The following POLA1 variants were observed in gnomAD, a reference collection of about 807,000 sequenced individuals.
The protein encoded by POLA1 is DNA polymerase alpha catalytic subunit.
Under a neutral mutation model 124.0 loss-of-function variants are expected in POLA1, and 15 were observed. That is an observed-to-expected ratio of 0.12 (90% CI 0.08 to 0.19). POLA1 has a LOEUF of 0.19. POLA1 is among the 10% of genes least tolerant of loss of function. POLA1 has a pLI of 1.00. For synonymous variants in POLA1, 408 were observed against 389.4 expected (o/e 1.05, Z -0.56); for missense variants, 886 against 1,103.4 (o/e 0.80, Z 2.79).
intron 28 of POLA1, among the ~76,000 whole-genome samples, chrX:24,812,082 C>T (rs1341788813): frequency 2.7e-5 from 3 of 112,343 alleles, no homozygotes; most frequent in Admixed American, 1.9e-4. Flanking sequence ...TGTGCTCATA[C>T]TGGGCCTTGA....
At chrX:24,931,063 C>G (rs1397858494) in intron 36 of POLA1, among the ~76,000 whole-genome samples, 2 of 111,170 alleles carry the variant, frequency 1.8e-5, no homozygotes, top group East Asian at 2.8e-4. Flanking sequence ...GCATGGAACC[C>G]TCAGCACTCG....
intron 26 of POLA1, among the ~76,000 whole-genome samples, chrX:24,805,219 A>G (rs1038215732): frequency 4.2e-4 from 46 of 110,302 alleles, no homozygotes; most frequent in African/African-American, 1.4e-3. Flanking sequence ...CAGTGCTGTC[A>G]TTCTTTTTAA....
intron 32 of POLA1, among the ~76,000 whole-genome samples, chrX:24,835,196 C>T (rs891376041): frequency 2.7e-5 from 3 of 109,606 alleles, no homozygotes; most frequent in African/African-American, 1.0e-4. Flanking sequence ...CGCAGGCATG[C>T]GCCACCACCC....
intron 30 of POLA1, among the ~76,000 whole-genome samples, chrX:24,818,029 T>G (rs2046023888): frequency 9.3e-6 from 1 of 107,556 alleles, no homozygotes; most frequent in Admixed American, 1.0e-4. Context: ...TGATGGGATT[T>G]ACCTTTAGAG....
At chrX:24,745,578 TA>T (rs755330152) in intron 24 of POLA1, 36 bp downstream of exon 24, 18 of 1,024,960 alleles carry the variant, frequency 1.8e-5, no homozygotes, top group African/African-American at 1.3e-4. Context: ...AAATTGAGTT[TA>T]AAAAAATTGC....
chrX:24,887,270 A>G (rs1195587531), intron 34 of POLA1, among the ~76,000 whole-genome samples: 1 of 112,181 alleles, frequency 8.9e-6, no homozygotes, highest in East Asian at 2.8e-4. Flanking sequence ...TCAGCAAGGG[A>G]GAGTAACTGA....
At chrX:24,977,724 C>T (rs1003083611) in intron 36 of POLA1, among the ~76,000 whole-genome samples, 2 of 112,063 alleles carry the variant, frequency 1.8e-5, no homozygotes, top group African/African-American at 6.5e-5. Flanking sequence ...TGTGATCTGT[C>T]AATAACTTGA....
chrX:24,734,405 C>T (rs1323618863), intron 17 of POLA1: 10 of 111,668 alleles, frequency 9.0e-5, no homozygotes, highest in Admixed American at 2.8e-4. Context: ...GTTTCTTTTA[C>T]GAAGTGATGA....
chrX:24,887,055 C>CTA (rs778667574), intron 34 of POLA1, among the ~76,000 whole-genome samples: 3 of 111,993 alleles, frequency 2.7e-5, no homozygotes, highest in Non-Finnish European at 5.6e-5. Context: ...CTCACTCTAA[C>CTA]ATTTGCCTTA....
In POLA1 at chrX:24,748,224, C is replaced by T. The variant is rs887104773; in HGVS notation, c.2692-87C>T. On this transcript the variant is annotated intron_variant, in intron 24 of 36. Coordinates refer to ENST00000379068, the MANE Select transcript of POLA1 (RefSeq NM_001330360.2). ...AGATAATAGCTTTTCAAGATGTGAT[C>T]ATGGGGGAAAGCTCCTATAAAATAT... 22 of 631,095 alleles carry T rather than the reference C, an allele frequency of 3.5e-5. No individual in the cohort carries two copies. In the Admixed American group the frequency reaches 7.0e-4, roughly 20 times the overall value. The allele number at this position is 631,095 out of a possible 1,213,427, so 52.0% of individuals were successfully genotyped here. A position where few individuals can be genotyped will look rare whatever the true frequency, so the allele number is the denominator to read the frequency against.
intron 20 of POLA1, among the ~76,000 whole-genome samples, chrX:24,740,602 T>C (rs1395800071): frequency 8.9e-6 from 1 of 111,914 alleles, no homozygotes; most frequent in African/African-American, 3.2e-5. Flanking sequence ...TCCTTTACAA[T>C]GTGTCTCTAT....
intron 34 of POLA1, among the ~76,000 whole-genome samples, chrX:24,853,377 G>A (rs749728500): frequency 7.5e-4 from 84 of 111,808 alleles, no homozygotes; most frequent in Non-Finnish European, 9.2e-4. Context: ...AAATCATATC[G>A]GTAAACTTTT....
intron 26 of POLA1, among the ~76,000 whole-genome samples, chrX:24,785,899 C>G (rs1269039472): frequency 3.6e-5 from 4 of 112,208 alleles, no homozygotes; most frequent in Non-Finnish European, 7.5e-5. Context: ...CTCTTCTACT[C>G]TCTGCTTCTT....
intron 4 of POLA1, among the ~76,000 whole-genome samples, chrX:24,710,197 T>C (rs1009216725): frequency 1.8e-5 from 2 of 110,732 alleles, no homozygotes; most frequent in Non-Finnish European, 3.8e-5. Flanking sequence ...TCACAATGTT[T>C]GCAACCATCA....
chrX:24,919,162 C>T (rs930772059), intron 35 of POLA1, among the ~76,000 whole-genome samples: 2 of 111,817 alleles, frequency 1.8e-5, no homozygotes, highest in African/African-American at 3.3e-5. Context: ...TGTCTCATTT[C>T]GTATTTTTAC....
At chrX:24,923,159 G>A (rs770883610) in intron 35 of POLA1, among the ~76,000 whole-genome samples, 13 of 111,490 alleles carry the variant, frequency 1.2e-4, no homozygotes, top group Non-Finnish European at 2.1e-4. Flanking sequence ...TGACTTGATA[G>A]AAAATGGTGT....
At position 24,755,727 on chromosome X, in the gene POLA1, C is replaced by T. The variant is rs180909317; in HGVS notation, c.2964+6735C>T. ...CCTTACACTATGTGGGTTTTTTTCCCACAAGAAAGCTTTCCCTCCTCTAGT... is the reference window on the plus strand; with the variant it reads ...CCTTACACTATGTGGGTTTTTTTCCTACAAGAAAGCTTTCCCTCCTCTAGT... On this transcript the variant is annotated intron_variant, in intron 26 of 36. Transcript: ENST00000379068. 5.4e-5 allele frequency among the ~76,000 whole-genome samples: 6 copies of T among 111,571 alleles called. No individual in the cohort carries two copies. The East Asian group carries it at 1.7e-3, about 31-fold the overall frequency.
chrX:24,818,652 G>A (rs1233629677), intron 30 of POLA1, among the ~76,000 whole-genome samples: 1 of 111,968 alleles, frequency 8.9e-6, no homozygotes, highest in African/African-American at 3.2e-5. Context: ...TATTTAGTGT[G>A]TTAGAAATCT....
rs751012614 is a variant in POLA1, at chrX:24,806,053, G to GTTTTTTTTTTTTTTTTTT, written c.2965-3806_2965-3789dup. ...TTCTAGAACATTTATGTGGTATGAGGTTTTTTTTTTTTTTTTTTTTTTTTT... is the reference window on the plus strand; with the variant it reads ...TTCTAGAACATTTATGTGGTATGAGGTTTTTTTTTTTTTTTTTTTTTTTTTTTTTTTTTTTTTTTTTTT... On this transcript the variant is annotated intron_variant, in intron 26 of 36. Transcript: ENST00000379068. 2.0e-4 allele frequency among the ~76,000 whole-genome samples: 7 copies of GTTTTTTTTTTTTTTTTTT among 35,302 alleles called. 2 individuals are homozygous for GTTTTTTTTTTTTTTTTTT. Among genetic ancestry groups the GTTTTTTTTTTTTTTTTTT allele is most frequent in the African/African-American group, 2.4e-4 (2 of 8,386 alleles). 30.7% of individuals were successfully genotyped at this position (35,302 alleles called of 115,157 possible).
Sources: allele counts gnomAD v4.1 joint callset (sites outside exome capture counted in the v4.1 genomes callset), GRCh38; gene constraint gnomAD v4.1.1; transcripts MANE v1.5; gene names NCBI Gene and HGNC (gene_info 2026-07-23, HGNC 2026-07-21).